CHRM2: variants seen among roughly 807,000 people sequenced by gnomAD.
The protein encoded by CHRM2 is muscarinic acetylcholine receptor M2.
Under a neutral mutation model 25.0 loss-of-function variants are expected in CHRM2, and 8 were observed. The observed-to-expected ratio is 0.32, with a 90% confidence interval of 0.19 to 0.58. The LOEUF is 0.58. Ranked by LOEUF, CHRM2 falls within the 20% of genes least tolerant of loss-of-function variation. The pLI, the probability that CHRM2 is intolerant of heterozygous loss-of-function variation, is 0.88. For synonymous variants in CHRM2, 202 were observed against 205.7 expected (o/e 0.98, Z 0.15); for missense variants, 440 against 567.1 (o/e 0.78, Z 2.28).
rs145398745 is a variant in CHRM2 at position 136,956,805 on chromosome 7, G to A, written c.-124-35382G>A. On this transcript the variant is annotated intron_variant, in intron 2 of 3. Transcript: ENST00000680005. ...AATCAATGCAGACAGGGAACAGGGA[G>A]GGGGAATGGGATCATATGAAGGTTT... Among the ~76,000 whole-genome samples, 24 of 144,034 alleles carry A rather than the reference G, an allele frequency of 1.7e-4. No homozygotes were observed. In the East Asian group the frequency reaches 2.8e-3, roughly 17 times the overall value. The allele number at this position is 144,034 out of a possible 152,430, so 94.5% of individuals were successfully genotyped here.
At chr7:136,889,871 G>C (rs1796622205) in intron 2 of CHRM2, among the ~76,000 whole-genome samples, 1 of 152,102 alleles carries the variant, frequency 6.6e-6, no homozygotes, top group African/African-American at 2.4e-5. Flanking sequence ...GTTAGACTTA[G>C]TTATTCCTGT....
chr7:136,883,669 T>G (rs951544303), intron 2 of CHRM2, among the ~76,000 whole-genome samples: 2 of 152,190 alleles, frequency 1.3e-5, no homozygotes, highest in African/African-American at 4.8e-5. Flanking sequence ...TTCTTTGTTA[T>G]TCTTTCTGGT....
intron 2 of CHRM2, chr7:136,914,092 C>T (rs941904248): frequency 2.6e-5 from 4 of 151,936 alleles, no homozygotes; most frequent in South Asian, 2.1e-4. Context: ...TCTCCTATCT[C>T]GCATCAGGAT....
At chr7:136,930,585 T>C (rs947808971) in intron 2 of CHRM2, among the ~76,000 whole-genome samples, 3 of 54,104 alleles carry the variant, frequency 5.5e-5, no homozygotes, top group Admixed American at 2.1e-4. Flanking sequence ...TCAGTGCTTA[T>C]ACGATAGGAA....
At chr7:136,871,993 GAC>G (rs1795858975) in intron 2 of CHRM2, 1 of 152,182 alleles carries the variant, frequency 6.6e-6, no homozygotes, top group East Asian at 1.9e-4. Context: ...TCCTGGGCTA[GAC>G]AATAATGCCA....
intron 2 of CHRM2, among the ~76,000 whole-genome samples, chr7:136,931,873 G>C (rs1004191963): frequency 5.9e-5 from 9 of 152,200 alleles, no homozygotes; most frequent in African/African-American, 1.9e-4. Context: ...CTAAAATTCA[G>C]TAGATTGATC....
intron 2 of CHRM2, among the ~76,000 whole-genome samples, chr7:136,955,174 C>A (rs1482398449): frequency 6.6e-6 from 1 of 152,098 alleles, no homozygotes; most frequent in East Asian, 1.9e-4. Context: ...ATTCACCTCT[C>A]CTCCTTCTTT....
intron 2 of CHRM2, among the ~76,000 whole-genome samples, chr7:136,990,521 G>A (rs1803153363): frequency 6.6e-6 from 1 of 151,980 alleles, no homozygotes; most frequent in Admixed American, 6.6e-5. Context: ...TGCATTTAAT[G>A]TTCCCTTATG....
rs567306885 is a variant in CHRM2, at chr7:136,886,486, C to T, written c.-125+17068C>T. ...TGTACTTCAAAGTGTAATTTCTTGT[C>T]GATCTAAGGCAAGGTGTGTGAAACA... On this transcript the variant is annotated intron_variant, in intron 2 of 3. Coordinates refer to ENST00000680005, the MANE Select transcript of CHRM2 (RefSeq NM_001006630.2). Among the ~76,000 whole-genome samples, 5 of 152,146 alleles carry T rather than the reference C, an allele frequency of 3.3e-5. No homozygotes were observed. In the East Asian group the frequency reaches 7.7e-4, roughly 23 times the overall value.
intron 2 of CHRM2, among the ~76,000 whole-genome samples, chr7:136,962,888 T>G (rs946230427): frequency 3.3e-5 from 5 of 152,196 alleles, no homozygotes; most frequent in Non-Finnish European, 7.3e-5. Flanking sequence ...GCTTAAAATA[T>G]GTTCTACACT....
chr7:136,989,627 A>G (rs1345954065), intron 2 of CHRM2, among the ~76,000 whole-genome samples: 1 of 152,032 alleles, frequency 6.6e-6, no homozygotes, highest in African/African-American at 2.4e-5. Context: ...TCATTCTCCA[A>G]ATTCAATTAT....
chr7:136,908,430 T>C (rs1157917429), intron 2 of CHRM2, among the ~76,000 whole-genome samples: 1 of 151,884 alleles, frequency 6.6e-6, no homozygotes, highest in East Asian at 1.9e-4. Flanking sequence ...ATAAACAAAT[T>C]TATAGTTAGA....
At chr7:136,922,871 T>G (rs1291455994) in intron 2 of CHRM2, among the ~76,000 whole-genome samples, 1 of 152,192 alleles carries the variant, frequency 6.6e-6, no homozygotes, top group Admixed American at 6.5e-5. Context: ...TTTGGGTTTT[T>G]TCTAAGGAAA....
chr7:136,970,285 T>C (rs147548946), intron 2 of CHRM2, among the ~76,000 whole-genome samples: 4 of 152,298 alleles, frequency 2.6e-5, no homozygotes, highest in African/African-American at 9.6e-5. Flanking sequence ...TATCTCTTTA[T>C]CTTTTATCTC....
At chr7:136,958,369 AT>A (rs1800849380) in intron 2 of CHRM2, among the ~76,000 whole-genome samples, 1 of 147,262 alleles carries the variant, frequency 6.8e-6, no homozygotes, top group African/African-American at 2.5e-5. Flanking sequence ...ACTTTATTTT[AT>A]TCACTTCTAT....
At chr7:136,944,356 C>T (rs1334192056) in intron 2 of CHRM2, among the ~76,000 whole-genome samples, 1 of 151,332 alleles carries the variant, frequency 6.6e-6, no homozygotes, top group Admixed American at 6.6e-5. Flanking sequence ...TTTTCACTCT[C>T]GAGTTATTTC....
At chr7:136,929,758 G>A (rs2130773052) in intron 2 of CHRM2, among the ~76,000 whole-genome samples, 1 of 152,230 alleles carries the variant, frequency 6.6e-6, no homozygotes, top group Non-Finnish European at 1.5e-5. Context: ...GAGGAGTGGA[G>A]TATTTGCATT....
At position 136,905,731 on chromosome 7, in the gene CHRM2, T is replaced by C. The variant is rs561049050; in HGVS notation, c.-125+36313T>C. Among the ~76,000 whole-genome samples, 33 of 151,768 alleles carry C rather than the reference T, an allele frequency of 2.2e-4. No homozygotes were observed. The South Asian group carries it at 4.6e-3, about 21-fold the overall frequency. On this transcript the variant is annotated intron_variant, in intron 2 of 3. Coordinates refer to ENST00000680005, the MANE Select transcript of CHRM2 (RefSeq NM_001006630.2). ...CTTTTAAATTGGTAGTTTAATTCTC[T>C]CATATTTTCTCTTCTCTTTTTTTGT...
intron 2 of CHRM2, among the ~76,000 whole-genome samples, chr7:136,917,083 C>T (rs778315926): frequency 3.3e-5 from 5 of 151,628 alleles, no homozygotes; most frequent in African/African-American, 1.2e-4. Context: ...TGCAAATAAG[C>T]GTGTTATGAA....
Sources: gnomAD v4.1 joint callset for allele counts (sites outside exome capture counted in the v4.1 genomes callset) on GRCh38, gnomAD v4.1.1 for gene constraint, MANE v1.5 for transcripts, NCBI Gene and HGNC (gene_info 2026-07-23, HGNC 2026-07-21) for gene names.